LINS1: variants seen among roughly 807,000 people sequenced by gnomAD.
LINS1 encodes the protein lines homolog 1, also known as protein Lines homolog 1.
Under a neutral mutation model 41.6 loss-of-function variants are expected in LINS1, and 27 were observed. That is an observed-to-expected ratio of 0.65 (90% CI 0.48 to 0.89). The LOEUF (loss-of-function observed/expected upper bound fraction) is 0.89, where lower values mean the gene tolerates loss of function less well. LINS1 is among the 40% of genes least tolerant of loss of function. The pLI, the probability that LINS1 is intolerant of heterozygous loss-of-function variation, is 0.00. For missense variants in LINS1, 955 were observed against 884.1 expected, an observed-to-expected ratio of 1.08 and a Z score of -1.02; for synonymous variants, 336 against 312.9, an observed-to-expected ratio of 1.07 and a Z score of -0.78.
chr15:100,572,273 A>G (rs762743037), intron 5 of LINS1: 26 of 1,374,422 alleles, frequency 1.9e-5, no homozygotes, highest in East Asian at 3.0e-5. Flanking sequence ...CTCATTCCAG[A>G]GCATACATTT....
At chr15:100,589,070 T>C (rs1186476678) in intron 1 of LINS1, among the ~76,000 whole-genome samples, 1 of 152,204 alleles carries the variant, frequency 6.6e-6, no homozygotes, top group Admixed American at 6.5e-5. Flanking sequence ...CCACATCTAG[T>C]ACTTAATTAA....
At chr15:100,590,332 T>G (rs1237154583) in intron 1 of LINS1, among the ~76,000 whole-genome samples, 2 of 152,252 alleles carry the variant, frequency 1.3e-5, no homozygotes, top group African/African-American at 4.8e-5. Context: ...CCTTATACTT[T>G]GACAGATAAA....
At chr15:100,592,514 A>C (rs1445666950) in intron 1 of LINS1, among the ~76,000 whole-genome samples, 1 of 151,744 alleles carries the variant, frequency 6.6e-6, no homozygotes, top group Non-Finnish European at 1.5e-5. Flanking sequence ...TGAGCACTCC[A>C]TCCTGTAGCC....
intron 1 of LINS1, among the ~76,000 whole-genome samples, chr15:100,600,322 C>G (rs1365686125): frequency 6.6e-6 from 1 of 152,038 alleles, no homozygotes; most frequent in Non-Finnish European, 1.5e-5. Context: ...AATCAGGCCT[C>G]CTTGACTCCT....
chr15:100,597,926 C>T (rs1361035889), intron 1 of LINS1, among the ~76,000 whole-genome samples: 1 of 152,254 alleles, frequency 6.6e-6, no homozygotes, highest in African/African-American at 2.4e-5. Context: ...AATTAAATGG[C>T]TTATATGTGA....
At chr15:100,577,243 G>T (rs1019425837) in intron 3 of LINS1, among the ~76,000 whole-genome samples, 3 of 152,206 alleles carry the variant, frequency 2.0e-5, no homozygotes, top group African/African-American at 7.2e-5. Flanking sequence ...AATTGTCCCT[G>T]TTTGCAGATG....
chr15:100,570,173 T>G, intron 6 of LINS1, 56 bp from the exon 7 acceptor site: 1 of 1,346,874 alleles, frequency 7.4e-7, no homozygotes, highest in Non-Finnish European at 1.0e-6. Context: ...AATAAACAGT[T>G]TTACCAGATA....
intron 3 of LINS1, among the ~76,000 whole-genome samples, chr15:100,578,154 A>C (rs2141297058): frequency 6.6e-6 from 1 of 152,328 alleles, no homozygotes; most frequent in African/African-American, 2.4e-5. Context: ...CAATGGCAAC[A>C]AAAGCCAAAA....
intron 5 of LINS1, 50 bp from the exon 6 acceptor site, chr15:100,572,115 GA>G: frequency 6.2e-7 from 1 of 1,605,712 alleles, no homozygotes; most frequent in Admixed American, 1.7e-5. Context: ...ATGAATGAAT[GA>G]ATATCTTGCC....
chr15:100,597,629 C>A lies in LINS1; in HGVS notation c.-104+4492G>T, dbSNP rs1010175791. Among the ~76,000 whole-genome samples the A allele has an allele frequency of 2.2e-4, 33 of 152,160 alleles. 1 individual carries two copies. Among genetic ancestry groups the A allele is most frequent in the African/African-American group, 7.7e-4 (32 of 41,434 alleles). On this transcript the variant is annotated intron_variant, in intron 1 of 6. Transcript: ENST00000314742. ...ATGAATACTTTTCTATACTTAGTTG[C>A]TAAATTATAACTGTATGTTTTAAGT...
intron 3 of LINS1, among the ~76,000 whole-genome samples, 170 bp from the exon 4 acceptor site, chr15:100,575,298 C>A (rs1170620960): frequency 1.3e-5 from 2 of 150,458 alleles, no homozygotes; most frequent in African/African-American, 2.4e-5. Flanking sequence ...ATCGAATATG[C>A]CACAGAAATA....
rs1217367243 is a variant in LINS1 at position 100,580,510 on chromosome 15, A to G, written c.333T>C (p.His111=). The change falls in exon 2 of 7, where the codon CAT becomes CAC. Residue 111 remains histidine (H), a synonymous_variant. Transcript: ENST00000314742. ...TTACATCTCTGTACTGCTCCTTTGC[A>G]TGGAACTCGGTTTTGACAGACAATA... ...TRILSVKTEF[H]AKEQYRDVIK... is the part of the protein sequence containing the mutation. 1 of 1,614,068 alleles carries G rather than the reference A, an allele frequency of 6.2e-7. No individual in the cohort carries two copies. The highest frequency in any genetic ancestry group is 8.5e-7 in the Non-Finnish European group (1 of 1,179,956).
At chr15:100,572,478 A>T in intron 5 of LINS1, 4 of 1,061,468 alleles carry the variant, frequency 3.8e-6, no homozygotes, top group Non-Finnish European at 4.6e-6. Flanking sequence ...TAACAGAAAA[A>T]CATATTTTTT....
chr15:100,573,936 C>A lies in LINS1; in HGVS notation c.937G>T (p.Glu313Ter). Residue 313 changes from glutamate (E) to a stop codon, truncating the protein, a stop_gained, in exon 5 of 7, where the codon GAA (glutamate) becomes TAA (stop). Coordinates refer to ENST00000314742, the MANE Select transcript of LINS1 (RefSeq NM_001040616.3). LOFTEE classifies it high-confidence loss of function. ...GGCACAGATCCACGACAGAGGTCTTCACCCACTTTACAGAGAAGGCACTTT... is the reference window on the plus strand; with the variant it reads ...GGCACAGATCCACGACAGAGGTCTTAACCCACTTTACAGAGAAGGCACTTT... ...LKKCLLCKVGEDLCRGSVPAL... is the reference protein window; with the variant it reads ...LKKCLLCKVG 1 of 1,614,264 alleles carries A rather than the reference C, an allele frequency of 6.2e-7. No homozygotes were observed. Among genetic ancestry groups the A allele is most frequent in the South Asian group, 1.1e-5 (1 of 91,090 alleles).
At chr15:100,577,552 T>C (rs961303570) in intron 3 of LINS1, among the ~76,000 whole-genome samples, 42 of 152,320 alleles carry the variant, frequency 2.8e-4, no homozygotes, top group African/African-American at 9.6e-4. Context: ...GAACATTCCA[T>C]GCTCATGGAT....
At chr15:100,591,747 C>T (rs1290185461) in intron 1 of LINS1, among the ~76,000 whole-genome samples, 1 of 152,122 alleles carries the variant, frequency 6.6e-6, no homozygotes, top group Non-Finnish European at 1.5e-5. Flanking sequence ...AACAAAGGTT[C>T]CAGCCACTAC....
chr15:100,593,196 T>A (rs1191489029), intron 1 of LINS1, among the ~76,000 whole-genome samples: 1 of 152,122 alleles, frequency 6.6e-6, no homozygotes, highest in Admixed American at 6.5e-5. Context: ...ATCTATATGA[T>A]AAATGAACGA....
chr15:100,585,561 CACAGCCTT>C (rs1165394405), intron 1 of LINS1, among the ~76,000 whole-genome samples: 3 of 152,304 alleles, frequency 2.0e-5, no homozygotes, highest in African/African-American at 7.2e-5. Context: ...AATTTTGGTT[CACAGCCTT>C]CACTGGATTA....
At chr15:100,600,120 T>A (rs2141371181) in intron 1 of LINS1, among the ~76,000 whole-genome samples, 1 of 152,338 alleles carries the variant, frequency 6.6e-6, no homozygotes, top group South Asian at 2.1e-4. Flanking sequence ...TGGCTTTTAT[T>A]AGCAATTTAT....
Sources: allele counts gnomAD v4.1 joint callset (sites outside exome capture counted in the v4.1 genomes callset), GRCh38; gene constraint gnomAD v4.1.1; transcripts MANE v1.5; gene names NCBI Gene and HGNC (gene_info 2026-07-23, HGNC 2026-07-21).